THOC1: variants seen among roughly 807,000 people sequenced by gnomAD.
THOC1 encodes the protein THO complex subunit 1.
A neutral mutation model predicts 97.3 loss-of-function variants in THOC1; 29 were observed. That is an observed-to-expected ratio of 0.30 (90% CI 0.22 to 0.41). The LOEUF is 0.41. Among genes scored for constraint, THOC1 ranks in the 10% least tolerant of loss-of-function variants. The pLI is 1.00. For synonymous variants in THOC1, 255 were observed against 257.0 expected, an observed-to-expected ratio of 0.99 and a Z score of 0.07; for missense variants, 529 against 761.9, an observed-to-expected ratio of 0.69 and a Z score of 3.60.
chr18:236,071 C>G lies in THOC1; in HGVS notation c.919-9170G>C, dbSNP rs527988743. Among the ~76,000 whole-genome samples the G allele has an allele frequency of 4.6e-5, 7 of 152,220 alleles. No homozygotes were observed. In the East Asian group the frequency reaches 1.4e-3, roughly 29 times the overall value. ...TGTAGTGTTTCTTGTCCTATTTATA[C>G]TTTTTCCCTTAAATTCTATTTTATT... On this transcript the variant is annotated intron_variant, in intron 11 of 20. Transcript: ENST00000261600.
At chr18:236,672 G>C (rs574860551) in intron 11 of THOC1, among the ~76,000 whole-genome samples, 2 of 152,044 alleles carry the variant, frequency 1.3e-5, no homozygotes, top group African/African-American at 4.8e-5. Context: ...GAAAGAATAA[G>C]ATTCTAAGAT....
chr18:223,138 C>T (rs1296709010), intron 17 of THOC1, among the ~76,000 whole-genome samples: 1 of 152,134 alleles, frequency 6.6e-6, no homozygotes, highest in African/African-American at 2.4e-5. Context: ...AACCCAAGTT[C>T]CCTGGTTCTC....
At chr18:223,074 A>G (rs1911146722) in intron 17 of THOC1, among the ~76,000 whole-genome samples, 1 of 152,100 alleles carries the variant, frequency 6.6e-6, no homozygotes, top group South Asian at 2.1e-4. Context: ...CTATGTCTAG[A>G]CTGCTATTAA....
chr18:265,852 G>A (rs1228198246), intron 1 of THOC1, among the ~76,000 whole-genome samples: 1 of 151,132 alleles, frequency 6.6e-6, no homozygotes, highest in East Asian at 1.9e-4. Context: ...GCCCGTTTTA[G>A]TTTTGAAGCT....
At chr18:224,058 T>C (rs1159923986) in intron 16 of THOC1, 26 bp downstream of exon 16, 2 of 1,425,906 alleles carry the variant, frequency 1.4e-6, no homozygotes, top group East Asian at 2.3e-5. Flanking sequence ...ACTAAGAACA[T>C]CCCACATGAA....
intron 18 of THOC1, 56 bp from the exon 19 acceptor site, chr18:216,689 TCTG>T: frequency 6.4e-7 from 1 of 1,563,424 alleles, no homozygotes; most frequent in African/African-American, 1.4e-5. Context: ...TGTATTCCCT[TCTG>T]CTCAGTTCTG....
At chr18:227,786 G>A (rs1193948969) in intron 11 of THOC1, among the ~76,000 whole-genome samples, 2 of 152,020 alleles carry the variant, frequency 1.3e-5, no homozygotes, top group East Asian at 1.9e-4. Flanking sequence ...TAAATGAATC[G>A]CCAGTAAGGC....
At chr18:228,405 A>G (rs1382987098) in intron 11 of THOC1, among the ~76,000 whole-genome samples, 1 of 152,120 alleles carries the variant, frequency 6.6e-6, no homozygotes, top group Non-Finnish European at 1.5e-5. Context: ...TAGTCTAGAT[A>G]AGGGGTCAGC....
intron 5 of THOC1, 26 bp downstream of exon 5, chr18:260,160 G>T: frequency 7.2e-7 from 1 of 1,385,808 alleles, no homozygotes; most frequent in Non-Finnish European, 9.7e-7. Context: ...GATAAAGTTA[G>T]CAGGAAAAGA....
rs80319001 is a variant in THOC1 at position 224,131 on chromosome 18, G to A, written c.1257C>T (p.Pro419=). Residue 419 remains proline, a synonymous_variant, in exon 16 of 21, where the codon CCC becomes CCT. Coordinates refer to ENST00000261600, the MANE Select transcript of THOC1 (RefSeq NM_005131.3). The part of the protein sequence containing the change: ...PTRIIRKRTA[P]EDFLGKGPTK... Reference sequence around the variant, plus strand: ...TGGGTCCTTTCCCTAGGAAGTCCTCGGGTGCTGTTCTCTTCCGAATTATTC... The same window carrying A: ...TGGGTCCTTTCCCTAGGAAGTCCTCAGGTGCTGTTCTCTTCCGAATTATTC... 34,094 of 1,610,948 alleles carry A rather than the reference G, an allele frequency of 0.021. 3,741 individuals carry two copies. In the East Asian group the frequency reaches 0.36, roughly 17 times the overall value.
At chr18:232,891 C>T (rs1911533949) in intron 11 of THOC1, among the ~76,000 whole-genome samples, 1 of 152,002 alleles carries the variant, frequency 6.6e-6, no homozygotes, top group African/African-American at 2.4e-5. Context: ...TTTTTCTTAT[C>T]ATCTTTTCAG....
chr18:259,376 C>T lies in THOC1; in HGVS notation c.425-101G>A. The T allele has an allele frequency of 7.1e-6, 7 of 992,082 alleles. No homozygotes were observed. In the South Asian group the frequency reaches 1.2e-4, roughly 17 times the overall value. 61.5% of individuals were successfully genotyped at this position (992,082 alleles called of 1,614,324 possible). On this transcript the variant is annotated intron_variant, in intron 6 of 20. Coordinates refer to ENST00000261600, the MANE Select transcript of THOC1 (RefSeq NM_005131.3). ...AAACCAGTGTGTCAAGAGTATTTTC[C>T]TAAAGCAGTAGTTCTTAAATTGGGG...
intron 17 of THOC1, among the ~76,000 whole-genome samples, 152 bp downstream of exon 17, chr18:223,288 T>C (rs1482425019): frequency 6.6e-6 from 1 of 152,178 alleles, no homozygotes; most frequent in East Asian, 1.9e-4. Flanking sequence ...CTTTGAGGAG[T>C]TTTATGGTGG....
intron 11 of THOC1, among the ~76,000 whole-genome samples, chr18:241,744 T>C (rs1248667113): frequency 1.3e-5 from 2 of 152,244 alleles, no homozygotes; most frequent in African/African-American, 4.8e-5. Flanking sequence ...CTTAAACATT[T>C]TGAAATGTTG....
At chr18:240,610 G>A (rs902592043) in intron 11 of THOC1, among the ~76,000 whole-genome samples, 4 of 152,130 alleles carry the variant, frequency 2.6e-5, no homozygotes, top group African/African-American at 9.7e-5. Flanking sequence ...TGCTAAGACT[G>A]ACATGACTGT....
rs530696555 is a variant in THOC1 at position 252,655 on chromosome 18, T to C, written c.604-43A>G. 6.0e-6 allele frequency: 9 copies of C among 1,511,586 alleles called. No homozygotes were observed. In the African/African-American group the frequency reaches 1.2e-4, roughly 21 times the overall value. The allele number at this position is 1,511,586 out of a possible 1,614,324, so 93.6% of individuals were successfully genotyped here. A position where few individuals can be genotyped will look rare whatever the true frequency, so the allele number is the denominator to read the frequency against. ...TGTATAGCCTGTCATGAAGCAGTCA[T>C]CAGACAGAAGAGATAAATGCTAGAA... On this transcript the variant is annotated intron_variant, in intron 8 of 20. Transcript: ENST00000261600.
At position 214,730 on chromosome 18, in the gene THOC1, C is replaced by T; in HGVS notation, c.1870G>A (p.Glu624Lys). ...TTCTCAGGTGTTGCATGAACTCCCT[C>T]TTGATCTTGCCAGGCAACCAGGAGC... ...KQLLVAWQDQ[E>K]GVHATPENLI... Residue 624 changes from glutamate to lysine, a missense_variant, in exon 21 of 21, where the codon GAG becomes AAG. This residue lies in a region of THOC1 where 98 missense variants were observed against 111.9 expected (regional missense o/e 0.88). Transcript: ENST00000261600. 1.2e-6 allele frequency: 2 copies of T among 1,613,964 alleles called. No homozygotes were observed. The highest frequency in any genetic ancestry group is 1.7e-6 in the Non-Finnish European group (2 of 1,179,864).
intron 7 of THOC1, among the ~76,000 whole-genome samples, chr18:255,206 G>A (rs1394733899): frequency 1.3e-5 from 2 of 152,150 alleles, no homozygotes; most frequent in Non-Finnish European, 2.9e-5. Flanking sequence ...CAAGTAAAAG[G>A]ATGAGTCTCA....
chr18:243,426 T>G (rs1254845075), intron 11 of THOC1, among the ~76,000 whole-genome samples: 2 of 152,112 alleles, frequency 1.3e-5, no homozygotes, highest in Non-Finnish European at 2.9e-5. Context: ...AAATGCTATT[T>G]GTTCGGGAGG....
Sources: gnomAD v4.1 joint callset for allele counts (sites outside exome capture counted in the v4.1 genomes callset) on GRCh38, gnomAD v4.1.1 for gene constraint, gnomAD v4.1.1 regional missense constraint, MANE v1.5 for transcripts, NCBI Gene and HGNC (gene_info 2026-07-23, HGNC 2026-07-21) for gene names.